Variants in DHRS7C observed in about 807,000 individuals in gnomAD.
DHRS7C encodes dehydrogenase/reductase SDR family member 7C.
A neutral mutation model predicts 29.6 loss-of-function variants in DHRS7C; 28 were observed. The ratio of observed to expected loss-of-function variants is 0.95; its 90% CI spans 0.70 to 1.30. The LOEUF (loss-of-function observed/expected upper bound fraction) is 1.30, where lower values mean the gene tolerates loss of function less well. Among genes scored for constraint, DHRS7C ranks in the 50% most tolerant of loss-of-function variants. The probability of loss-of-function intolerance (pLI) is 0.00; values close to 1 mark genes in which losing one functional copy is unlikely to be tolerated. For missense variants in DHRS7C, 403 were observed against 393.3 expected (o/e 1.02, Z -0.21); for synonymous variants, 158 against 160.2 (o/e 0.99, Z 0.10).
At chr17:9,780,832 A>G (rs1458777414) in intron 2 of DHRS7C, among the ~76,000 whole-genome samples, 1 of 152,218 alleles carries the variant, frequency 6.6e-6, no homozygotes, top group African/African-American at 2.4e-5. Flanking sequence ...TTCTCACACA[A>G]TTGACCGCAA....
chr17:9,781,740 C>T (rs144078983), intron 1 of DHRS7C, 146 bp from the exon 2 acceptor site: 1 of 692,588 alleles, frequency 1.4e-6, no homozygotes, highest in Non-Finnish European at 2.4e-6. Context: ...ATTGAACTCC[C>T]TCCCCGGGCT....
chr17:9,780,920 A>C (rs2066389621), intron 2 of DHRS7C, among the ~76,000 whole-genome samples: 1 of 152,210 alleles, frequency 6.6e-6, no homozygotes, highest in South Asian at 2.1e-4. Flanking sequence ...TGTTTGATTC[A>C]TCTCCTCAAA....
At chr17:9,783,744 T>A (rs567471174) in intron 1 of DHRS7C, among the ~76,000 whole-genome samples, 1 of 152,046 alleles carries the variant, frequency 6.6e-6, no homozygotes, top group East Asian at 1.9e-4. Context: ...GGTGAGCAGA[T>A]CACTTGAGGT....
chr17:9,785,415 G>C (rs1281023758), intron 1 of DHRS7C, among the ~76,000 whole-genome samples: 1 of 152,238 alleles, frequency 6.6e-6, no homozygotes, highest in African/African-American at 2.4e-5. Context: ...CCTGAGGGCA[G>C]AGAAAAGGAA....
chr17:9,776,022 G>T (rs2001810), intron 4 of DHRS7C, among the ~76,000 whole-genome samples: 59,832 of 151,862 alleles, frequency 0.39, 12,154 homozygotes, highest in African/African-American at 0.5. Context: ...GCCAATATGG[G>T]GAAACCCCGT....
intron 5 of DHRS7C, 83 bp downstream of exon 5, chr17:9,772,684 C>T (rs1238115186): frequency 2.0e-6 from 3 of 1,504,842 alleles, no homozygotes; most frequent in Non-Finnish European, 2.7e-6. Flanking sequence ...CAGGAGTACC[C>T]ATCTGAAGGT....
rs796949630 is a variant in DHRS7C at position 9,774,088 on chromosome 17, C to CA, written c.572-1167dup. Among the ~76,000 whole-genome samples, 2 of 152,010 alleles carry CA rather than the reference C, an allele frequency of 1.3e-5. No homozygotes were observed. Among genetic ancestry groups the CA allele is most frequent in the African/African-American group, 2.4e-5 (1 of 41,486 alleles). ...ATTACACAGCCAATACAAGTGTTAC[C>CA]AAAAAAAGGTCTACCAGCTTGTTTT... On this transcript the variant is annotated intron_variant, in intron 4 of 5. Transcript: ENST00000571134. The surrounding 1 kb of genome is among the most constrained non-coding windows in gnomAD (Gnocchi z 5.0).
At chr17:9,789,001 T>C (rs1430411319) in intron 1 of DHRS7C, among the ~76,000 whole-genome samples, 1 of 152,170 alleles carries the variant, frequency 6.6e-6, no homozygotes, top group Non-Finnish European at 1.5e-5. Context: ...TCATGAGATG[T>C]ATTTCCTGGG....
chr17:9,779,905 C>A lies in DHRS7C; in HGVS notation c.398G>T (p.Gly133Val). ...CTCCAGAGAAATCTTATGGGCAGGC[C>A]CCTTCACCTTCACACTGGCATTGTT... Reference protein sequence around the residue: ...LINNASVKVKGPAHKISLELD... With the variant: ...LINNASVKVKVPAHKISLELD... Residue 133 changes from glycine to valine, a missense_variant, in exon 3 of 6, where the codon GGG (glycine) becomes GTG (valine). Gly to Val is a moderately radical substitution (Grantham distance 109). Transcript: ENST00000571134. 3.7e-6 allele frequency: 6 copies of A among 1,613,818 alleles called. No individual in the cohort carries two copies. The highest frequency in any genetic ancestry group is 5.1e-6 in the Non-Finnish European group (6 of 1,179,850).
At chr17:9,782,707 A>C (rs2066399843) in intron 1 of DHRS7C, among the ~76,000 whole-genome samples, 1 of 152,266 alleles carries the variant, frequency 6.6e-6, no homozygotes, top group Admixed American at 6.5e-5. Flanking sequence ...GAAATGGATG[A>C]ACTGACCAAA....
At position 9,778,173 on chromosome 17, in the gene DHRS7C, C is replaced by CCT. The variant is rs1386156288; in HGVS notation, c.479-889_479-888insAG. Among the ~76,000 whole-genome samples, 23 of 152,042 alleles carry CCT rather than the reference C, an allele frequency of 1.5e-4. No individual in the cohort carries two copies. In the East Asian group the frequency reaches 4.3e-3, roughly 28 times the overall value. The stretch of plus-strand genomic sequence containing the variant: ...TTGGGAGGCCGAGGCGGGTGGATAA[C>CCT]GAGGTCAGGAGATCGAGACCATCCT... On this transcript the variant is annotated intron_variant, in intron 3 of 5. Coordinates refer to ENST00000571134, the MANE Select transcript of DHRS7C (RefSeq NM_001105571.3).
intron 3 of DHRS7C, among the ~76,000 whole-genome samples, chr17:9,777,552 A>G (rs2066369621): frequency 6.6e-6 from 1 of 150,902 alleles, no homozygotes; most frequent in South Asian, 2.1e-4. Context: ...TTTTTTTTAA[A>G]TGCATATTTA....
At chr17:9,773,145 T>G (rs1010084413) in intron 4 of DHRS7C, among the ~76,000 whole-genome samples, 1 of 152,188 alleles carries the variant, frequency 6.6e-6, no homozygotes, top group Non-Finnish European at 1.5e-5. Flanking sequence ...GCTGGTGGTG[T>G]GATGTGATTG....
intron 4 of DHRS7C, among the ~76,000 whole-genome samples, chr17:9,776,874 C>G (rs1012805436): frequency 6.6e-6 from 1 of 152,200 alleles, no homozygotes; most frequent in Non-Finnish European, 1.5e-5. Flanking sequence ...GGAGCTACGA[C>G]TGTGCATCTT....
At chr17:9,785,644 A>G (rs575023009) in intron 1 of DHRS7C, among the ~76,000 whole-genome samples, 4 of 152,314 alleles carry the variant, frequency 2.6e-5, no homozygotes, top group Admixed American at 2.6e-4. Context: ...AAAAACCCAC[A>G]TCTCCCATTT....
intron 4 of DHRS7C, among the ~76,000 whole-genome samples, chr17:9,776,813 A>G (rs193114545): frequency 3.9e-4 from 59 of 152,084 alleles, no homozygotes; most frequent in Non-Finnish European, 5.9e-4. Flanking sequence ...CTCTTTCCCA[A>G]TGGTAATCTT....
rs1490495059 is a variant in DHRS7C, at chr17:9,771,538, C to T, written c.886G>A (p.Val296Met). 1.9e-6 allele frequency: 3 copies of T among 1,588,136 alleles called. No individual in the cohort carries two copies. The highest frequency in any genetic ancestry group is 3.5e-5 in the Admixed American group (2 of 57,542). The change falls in exon 6 of 6, where the codon GTG (valine) becomes ATG (methionine). Residue 296 changes from valine (V) to methionine (M), a missense_variant. By Grantham distance (21) the Val-to-Met change is conservative. Transcript: ENST00000571134. ...TTCTCCTTCACCCCACAGGCCACCA[C>T]GGCGAAAAAGAACTCCGGGAAGAAG... The part of the protein sequence containing the change: ...RTFFPEFFFA[V>M]VACGVKEKLN...
chr17:9,786,030 T>C (rs1317715064), intron 1 of DHRS7C, among the ~76,000 whole-genome samples: 1 of 151,734 alleles, frequency 6.6e-6, no homozygotes, highest in African/African-American at 2.4e-5. Flanking sequence ...CATAATCTAA[T>C]AGTAATCAGA....
chr17:9,781,730 A>G, intron 1 of DHRS7C, 136 bp from the exon 2 acceptor site: 2 of 736,130 alleles, frequency 2.7e-6, no homozygotes, highest in Non-Finnish European at 4.4e-6. Flanking sequence ...GGGTCACTTC[A>G]TTGAACTCCC....
Sources: allele counts gnomAD v4.1 joint callset (sites outside exome capture counted in the v4.1 genomes callset), GRCh38; gene constraint gnomAD v4.1.1; non-coding constraint Gnocchi (gnomAD v3.1); transcripts MANE v1.5; gene names NCBI Gene and HGNC (gene_info 2026-07-23, HGNC 2026-07-21).